Variants in UBR3 observed in about 807,000 individuals in gnomAD.
UBR3 encodes the protein ubiquitin protein ligase E3 component n-recognin 3.
In UBR3, 85 loss-of-function variants were observed where a neutral mutation model predicts 243.2. The observed-to-expected ratio is 0.35, with a 90% confidence interval of 0.29 to 0.42. UBR3 has a LOEUF of 0.42. Among genes scored for constraint, UBR3 ranks in the 10% least tolerant of loss-of-function variants. The pLI is 1.00. For missense variants in UBR3, 1,686 were observed against 2,300.8 expected, an observed-to-expected ratio of 0.73 and a Z score of 5.47; for synonymous variants, 748 against 799.8, an observed-to-expected ratio of 0.94 and a Z score of 1.09.
At position 169,872,278 on chromosome 2, in the gene UBR3, C is replaced by T. The variant is rs2105310038; in HGVS notation, c.588C>T (p.Pro196=). The stretch of plus-strand genomic sequence containing the variant: ...AAATTAAATCAAGTTCAAATATTCC[C>T]TGTGTCCCTAAAGACTTACTGATGA... ...RHQIKSSSNI[P]CVPKDLLMMS... The change falls in exon 2 of 39, where the codon CCC becomes CCT. Residue 196 remains proline (P), a synonymous_variant. Transcript: ENST00000272793. 6.5e-7 allele frequency: 1 copy of T among 1,536,638 alleles called. No homozygotes were observed. Among genetic ancestry groups the T allele is most frequent in the Non-Finnish European group, 8.8e-7 (1 of 1,140,250 alleles).
intron 31 of UBR3, among the ~76,000 whole-genome samples, chr2:170,037,267 T>C (rs912362042): frequency 1.3e-5 from 2 of 152,174 alleles, no homozygotes; most frequent in African/African-American, 4.8e-5. Flanking sequence ...TTATGTCTAG[T>C]TATCGGGCTG....
In UBR3 at chr2:169,895,326, T is replaced by G. The variant is rs1416486954; in HGVS notation, c.1236+15T>G. 4 of 1,523,822 alleles carry G rather than the reference T, an allele frequency of 2.6e-6. No homozygotes were observed. The highest frequency in any genetic ancestry group is 3.5e-6 in the Non-Finnish European group (4 of 1,139,926). The allele number at this position is 1,523,822 out of a possible 1,614,324, so 94.4% of individuals were successfully genotyped here. On this transcript the variant is annotated intron_variant, in intron 7 of 38. Coordinates refer to ENST00000272793, the MANE Select transcript of UBR3 (RefSeq NM_172070.4). ...AAGAGTATAAGGTATCTATATATTT[T>G]CCTGCTTTTCTGAACTTAGCTTTTC...
intron 30 of UBR3, among the ~76,000 whole-genome samples, chr2:170,025,821 G>C (rs1210984399): frequency 2.0e-5 from 3 of 152,164 alleles, no homozygotes; most frequent in African/African-American, 7.2e-5. Context: ...ATGGGTAGTG[G>C]TGTCATTCAC....
At chr2:169,885,265 A>G (rs916516321) in intron 5 of UBR3, among the ~76,000 whole-genome samples, 3 of 152,202 alleles carry the variant, frequency 2.0e-5, no homozygotes, top group South Asian at 2.1e-4. Flanking sequence ...AATTACTACT[A>G]TAGAGTAGGA....
At chr2:169,879,076 C>T (rs1055745529) in intron 5 of UBR3, among the ~76,000 whole-genome samples, 2 of 151,398 alleles carry the variant, frequency 1.3e-5, no homozygotes, top group Non-Finnish European at 1.5e-5. Flanking sequence ...TTTGAAATTT[C>T]AATTTTTATA....
chr2:169,953,883 G>A (rs1353513686), intron 23 of UBR3, among the ~76,000 whole-genome samples: 2 of 152,224 alleles, frequency 1.3e-5, no homozygotes, highest in East Asian at 1.9e-4. Flanking sequence ...AATGTAGTCT[G>A]TCAATGCTGT....
chr2:169,952,651 C>T (rs1204244742), intron 23 of UBR3, among the ~76,000 whole-genome samples: 1 of 151,850 alleles, frequency 6.6e-6, no homozygotes, highest in East Asian at 1.9e-4. Context: ...GCTGAGATCG[C>T]GCTGCTGCAC....
chr2:170,027,770 TTAGTAGTCTCA>T (rs1354321070), intron 30 of UBR3, among the ~76,000 whole-genome samples: 13 of 152,096 alleles, frequency 8.5e-5, no homozygotes, highest in Non-Finnish European at 1.8e-4. Context: ...AATTATATGC[TTAGTAGTCTCA>T]TATGTATAAT....
At chr2:169,972,345 A>G (rs886537443) in intron 24 of UBR3, among the ~76,000 whole-genome samples, 11 of 152,088 alleles carry the variant, frequency 7.2e-5, no homozygotes, top group African/African-American at 1.7e-4. Context: ...ACAAGGAGGA[A>G]CTGGTACCAT....
chr2:169,923,702 A>T (rs1413060445), intron 11 of UBR3, among the ~76,000 whole-genome samples: 1 of 152,192 alleles, frequency 6.6e-6, no homozygotes, highest in Non-Finnish European at 1.5e-5. Context: ...GAGGATTCAA[A>T]GTTGAGTAGA....
At chr2:170,061,258 T>G in intron 34 of UBR3, 60 bp from the exon 35 acceptor site, 1 of 1,584,122 alleles carries the variant, frequency 6.3e-7, no homozygotes, top group Non-Finnish European at 8.6e-7. Context: ...ATTATGAATG[T>G]AATTTTTAAA....
chr2:169,906,419 CATTT>C (rs375660756), intron 10 of UBR3, among the ~76,000 whole-genome samples: 6 of 121,544 alleles, frequency 4.9e-5, no homozygotes, highest in African/African-American at 1.9e-4. Context: ...TTTATTGTTT[CATTT>C]GTTATCAGTT....
intron 33 of UBR3, among the ~76,000 whole-genome samples, chr2:170,056,169 A>T (rs1037831174): frequency 1.5e-4 from 23 of 151,478 alleles, no homozygotes; most frequent in Non-Finnish European, 2.5e-4. Flanking sequence ...CACCATGCCC[A>T]GCTAATTTTT....
intron 1 of UBR3, among the ~76,000 whole-genome samples, chr2:169,865,577 C>T (rs1375303879): frequency 6.6e-6 from 1 of 152,176 alleles, no homozygotes; most frequent in Non-Finnish European, 1.5e-5. Flanking sequence ...CTTTACTCCA[C>T]CCAGTTGCTC....
At chr2:169,996,897 C>T (rs2105396457) in intron 26 of UBR3, among the ~76,000 whole-genome samples, 1 of 151,846 alleles carries the variant, frequency 6.6e-6, no homozygotes, top group South Asian at 2.1e-4. Flanking sequence ...GACAGGGTTT[C>T]ACCATGTTGG....
At chr2:169,961,516 C>T (rs960046150) in intron 24 of UBR3, among the ~76,000 whole-genome samples, 1 of 152,010 alleles carries the variant, frequency 6.6e-6, no homozygotes, top group Non-Finnish European at 1.5e-5. Context: ...GTAGCTAAAC[C>T]GTCTGATTCT....
At chr2:169,852,236 C>G (rs1468982949) in intron 1 of UBR3, among the ~76,000 whole-genome samples, 3 of 152,158 alleles carry the variant, frequency 2.0e-5, no homozygotes, top group Non-Finnish European at 4.4e-5. Context: ...CCTTTCTTCA[C>G]TAGCTAAGAG....
intron 30 of UBR3, among the ~76,000 whole-genome samples, chr2:170,018,583 G>A (rs950670735): frequency 2.6e-5 from 4 of 152,126 alleles, no homozygotes; most frequent in East Asian, 1.9e-4. Flanking sequence ...CAAAAACTTC[G>A]CTGATTCCAG....
chr2:169,968,905 T>C (rs1056987868), intron 24 of UBR3, among the ~76,000 whole-genome samples: 3 of 152,192 alleles, frequency 2.0e-5, no homozygotes, highest in East Asian at 1.9e-4. Flanking sequence ...ATGGATGATA[T>C]CTTGTTGCAG....
Sources: gnomAD v4.1 joint callset for allele counts (sites outside exome capture counted in the v4.1 genomes callset) on GRCh38, gnomAD v4.1.1 for gene constraint, MANE v1.5 for transcripts, NCBI Gene and HGNC (gene_info 2026-07-23, HGNC 2026-07-21) for gene names.